Variants in PCDHGA2 observed in about 807,000 individuals in gnomAD.
The protein encoded by PCDHGA2 is protocadherin gamma subfamily A, 2, also known as protocadherin gamma-A2.
Under a neutral mutation model 59.2 loss-of-function variants are expected in PCDHGA2, and 40 were observed. The observed-to-expected ratio is 0.68, with a 90% CI of 0.52 to 0.88. PCDHGA2 has a LOEUF of 0.88. Ranked by LOEUF, PCDHGA2 falls within the 40% of genes least tolerant of loss-of-function variation. PCDHGA2 has a pLI of 0.00. For synonymous variants in PCDHGA2, 560 were observed against 526.0 expected, an observed-to-expected ratio of 1.06 and a Z score of -0.89; for missense variants, 1,226 against 1,204.0, an observed-to-expected ratio of 1.02 and a Z score of -0.27.
chr5:141,341,435 C>T, intron 1 of PCDHGA2, 40 bp downstream of exon 1: 4 of 1,611,268 alleles, frequency 2.5e-6, no homozygotes, highest in Non-Finnish European at 1.7e-6. Flanking sequence ...AGCTAGTTTG[C>T]TGAAGTAATT....
chr5:141,387,735 T>C lies in PCDHGA2; in HGVS notation c.2424+46340T>C, dbSNP rs966437790. The C allele has an allele frequency of 1.2e-5, 16 of 1,308,452 alleles. No individual in the cohort carries two copies. In the East Asian group the frequency reaches 1.3e-4, roughly 10 times the overall value. 81.1% of individuals were successfully genotyped at this position (1,308,452 alleles called of 1,614,324 possible). ...GCTCAGACTCCCCAGCGCCAGCCTTTACACCGCTTCCTCCTCGGAAAAAGA... is the reference window on the plus strand; with the variant it reads ...GCTCAGACTCCCCAGCGCCAGCCTTCACACCGCTTCCTCCTCGGAAAAAGA... On this transcript the variant is annotated intron_variant, in intron 1 of 3. Transcript: ENST00000394576.
Position 141,476,209 on chromosome 5 carries a change from G to T in PCDHGA2, c.2425-18598G>T, listed in dbSNP as rs749576231. On this transcript the variant is annotated intron_variant, in intron 1 of 3. Coordinates refer to ENST00000394576, the MANE Select transcript of PCDHGA2 (RefSeq NM_018915.4). The surrounding 1 kb of genome is among the most constrained non-coding windows in gnomAD (Gnocchi z 7.6). ...TTGGTGCCTTGAACAAGGCTTCCAC[G>T]GTCATTCACTATGAGATCCCGGAGG... The T allele has an allele frequency of 6.2e-6, 10 of 1,613,974 alleles. No individual in the cohort carries two copies. Among genetic ancestry groups the T allele is most frequent in the Non-Finnish European group, 8.5e-6 (10 of 1,180,026 alleles).
chr5:141,348,608 T>C (rs1041872145), intron 1 of PCDHGA2, among the ~76,000 whole-genome samples: 1 of 152,150 alleles, frequency 6.6e-6, no homozygotes, highest in Non-Finnish European at 1.5e-5. Context: ...ATGGAACCCA[T>C]ACAATTCCAC....
chr5:141,501,343 C>T (rs1202291965), intron 2 of PCDHGA2, among the ~76,000 whole-genome samples: 1 of 150,430 alleles, frequency 6.6e-6, no homozygotes, highest in Non-Finnish European at 1.5e-5. Context: ...ACCCCAAACT[C>T]AATAGGGCAA....
At chr5:141,341,451 A>T in intron 1 of PCDHGA2, 56 bp downstream of exon 1, 1 of 1,607,562 alleles carries the variant, frequency 6.2e-7, no homozygotes, top group Non-Finnish European at 8.5e-7. Context: ...TAATTCACTT[A>T]CTTGTTTACT....
chr5:141,384,504 T>C (rs941539151), intron 1 of PCDHGA2: 1 of 1,614,048 alleles, frequency 6.2e-7, no homozygotes, highest in African/African-American at 1.3e-5. Context: ...TGACTGCACA[T>C]GACAGCGGGG....
rs146273580 is a variant in PCDHGA2 at position 141,382,696 on chromosome 5, A to C, written c.2424+41301A>C. 2.9e-3 allele frequency: 1,317 copies of C among 455,920 alleles called. 5 individuals are homozygous for C. The highest frequency in any genetic ancestry group is 2.7e-3 in the Non-Finnish European group (706 of 261,386). 28.2% of individuals were successfully genotyped at this position (455,920 alleles called of 1,614,324 possible). A position where few individuals can be genotyped will look rare whatever the true frequency, so the allele number is the denominator to read the frequency against. ...TCACCAACCAGGGAAAAATGGTGCG[A>C]GAGATCCCACAGAAACCACCGAGTT... On this transcript the variant is annotated intron_variant, in intron 1 of 3. Transcript: ENST00000394576.
At chr5:141,371,264 A>C in intron 1 of PCDHGA2, 1 of 1,614,064 alleles carries the variant, frequency 6.2e-7, no homozygotes, top group South Asian at 1.1e-5. Context: ...AAGTGAGACA[A>C]CTGTTCAAGC....
chr5:141,366,580 G>A (rs759906003), intron 1 of PCDHGA2: 19 of 1,614,132 alleles, frequency 1.2e-5, no homozygotes, highest in Non-Finnish European at 4.2e-6. Context: ...GGGCTTTCCT[G>A]CAGACCTATT....
chr5:141,419,549 T>C, intron 1 of PCDHGA2: 1 of 1,612,006 alleles, frequency 6.2e-7, no homozygotes, highest in Non-Finnish European at 8.5e-7. Context: ...GCGGGTGCTG[T>C]ACCCTGCGCT....
intron 1 of PCDHGA2, chr5:141,392,382 T>A (rs1463242705): frequency 6.5e-6 from 1 of 154,612 alleles, no homozygotes; most frequent in Non-Finnish European, 1.4e-5. Context: ...TCTGATCTAA[T>A]CTGATCATTT....
chr5:141,400,005 T>A, intron 1 of PCDHGA2: 1 of 1,612,520 alleles, frequency 6.2e-7, no homozygotes, highest in Non-Finnish European at 8.5e-7. Context: ...GCACAGCGCG[T>A]GCCTTGGGCG....
chr5:141,490,092 C>T lies in PCDHGA2; in HGVS notation c.2425-4715C>T. On this transcript the variant is annotated intron_variant, in intron 1 of 3. Coordinates refer to ENST00000394576, the MANE Select transcript of PCDHGA2 (RefSeq NM_018915.4). This position sits in a 1 kb window ranked among gnomAD's most constrained non-coding sequence, Gnocchi z 5.4. ...AACTAGACTATTCTTTTGGAGACCA[C>T]ACATCTGAGGCAGTGCGGAACCTCT... 6.2e-7 allele frequency: 1 copy of T among 1,614,240 alleles called. No individual in the cohort carries two copies.
intron 1 of PCDHGA2, chr5:141,372,157 T>A: frequency 2.5e-6 from 4 of 1,613,774 alleles, no homozygotes; most frequent in Non-Finnish European, 3.4e-6. Flanking sequence ...GGCTACCTGG[T>A]GACCAAGGTG....
intron 1 of PCDHGA2, chr5:141,402,922 C>A: frequency 1.3e-6 from 2 of 1,576,446 alleles, no homozygotes; most frequent in Non-Finnish European, 8.6e-7. Flanking sequence ...GCACAGAGAT[C>A]CTTTTGAGAA....
At chr5:141,484,404 G>C (rs1333849091) in intron 1 of PCDHGA2, among the ~76,000 whole-genome samples, 3 of 152,174 alleles carry the variant, frequency 2.0e-5, no homozygotes, top group Non-Finnish European at 4.4e-5. Flanking sequence ...GGTTTCCGCT[G>C]TGTCTCCTGT....
At chr5:141,499,300 C>G (rs2154592463) in intron 2 of PCDHGA2, among the ~76,000 whole-genome samples, 1 of 152,292 alleles carries the variant, frequency 6.6e-6, no homozygotes, top group South Asian at 2.1e-4. Context: ...ACTACCATCC[C>G]TCCTCTGAGA....
At chr5:141,361,809 T>G (rs755899945) in intron 1 of PCDHGA2, 1 of 1,612,970 alleles carries the variant, frequency 6.2e-7, no homozygotes, top group Non-Finnish European at 8.5e-7. Context: ...TCAATGACAA[T>G]GCGCCACGGG....
intron 1 of PCDHGA2, among the ~76,000 whole-genome samples, chr5:141,353,623 T>A (rs1473472118): frequency 6.6e-6 from 1 of 152,252 alleles, no homozygotes; most frequent in Non-Finnish European, 1.5e-5. Context: ...TTATTTGTTT[T>A]TATGCTCTTT....
Sources: allele counts gnomAD v4.1 joint callset (sites outside exome capture counted in the v4.1 genomes callset), GRCh38; gene constraint gnomAD v4.1.1; non-coding constraint Gnocchi (gnomAD v3.1); transcripts MANE v1.5; gene names NCBI Gene and HGNC (gene_info 2026-07-23, HGNC 2026-07-21).